Variants in MS4A18 observed in about 807,000 individuals in gnomAD.
MS4A18 encodes the protein membrane spanning 4-domains A18.
MS4A18 carries 27 observed loss-of-function variants against 13.1 expected under a neutral mutation model. The ratio of observed to expected loss-of-function variants is 2.06; its 90% confidence interval spans 1.52 to 2.84. MS4A18 has a LOEUF of 2.84. MS4A18 is among the 30% of genes most tolerant of loss of function. The pLI, the probability that MS4A18 is intolerant of heterozygous loss-of-function variation, is 0.00. For missense variants in MS4A18, 307 were observed against 196.4 expected (o/e 1.56, Z -3.37); for synonymous variants, 126 against 76.5 (o/e 1.65, Z -3.38).
exon 5 of MS4A18, chr11:60,741,092 T>G (rs1853408420): frequency 1.4e-6 from 1 of 702,944 alleles, no homozygotes; most frequent in Admixed American, 2.0e-5. Context: ...TCATCCTCAC[T>G]TGTGTGGTCT....
At chr11:60,744,919 A>G (rs1250482851), downstream of MS4A18, among the ~76,000 whole-genome samples, 1 of 152,244 alleles carries the variant, frequency 6.6e-6, no homozygotes, top group African/African-American at 2.4e-5. Context: ...CTACTCTGGA[A>G]AACAGCTTGG....
At chr11:60,730,598 C>T (rs1565058905) in intron 1 of MS4A18, among the ~76,000 whole-genome samples, 1 of 152,158 alleles carries the variant, frequency 6.6e-6, no homozygotes, top group African/African-American at 2.4e-5. Flanking sequence ...GCCCAAAGTG[C>T]AAATTGTCTG....
Position 60,733,620 on chromosome 11 carries a change from AGGGTACCCGCTCT to A in MS4A18, c.568_580del (p.Tyr190GlufsTer24). 1.4e-6 allele frequency: 1 copy of A among 703,630 alleles called. No individual in the cohort carries two copies. The allele number at this position is 703,630 out of a possible 1,614,324, so 43.6% of individuals were successfully genotyped here. On this transcript the variant is annotated frameshift_variant, in exon 2 of 6. Coordinates refer to ENST00000529108, the Ensembl canonical transcript of MS4A18. LOFTEE classifies it high-confidence loss of function. Reference sequence around the variant, plus strand: ...ACTATCCTTTTGTGACCTGGTTGTCAGGGTACCCGCTCTGGGGAGGATTATCCGTGAGTACAAG... The same window carrying A: ...ACTATCCTTTTGTGACCTGGTTGTCAGGGGAGGATTATCCGTGAGTACAAG...
At chr11:60,725,642 T>C (rs1853145157), upstream of MS4A18, among the ~76,000 whole-genome samples, 1 of 152,042 alleles carries the variant, frequency 6.6e-6, no homozygotes, top group South Asian at 2.1e-4. Context: ...AAGAGAGAAA[T>C]GATTAATTTT....
exon 5 of MS4A18, chr11:60,741,033 T>C (rs1388518807): frequency 2.8e-6 from 2 of 702,924 alleles, no homozygotes; most frequent in African/African-American, 3.5e-5. Context: ...CCTTTAGACA[T>C]ATTCAAAGGC....
chr11:60,727,381 T>C (rs1461771713), upstream of MS4A18, among the ~76,000 whole-genome samples: 1 of 152,210 alleles, frequency 6.6e-6, no homozygotes, highest in Non-Finnish European at 1.5e-5. Flanking sequence ...TTGCTCAAGG[T>C]CGTACAACTA....
At chr11:60,736,575 C>T (rs1412884790) in intron 2 of MS4A18, among the ~76,000 whole-genome samples, 2 of 152,194 alleles carry the variant, frequency 1.3e-5, no homozygotes, top group African/African-American at 2.4e-5. Flanking sequence ...CACTGCTCAG[C>T]CCCTGGTTTT....
chr11:60,726,078 A>G (rs553787073), upstream of MS4A18, among the ~76,000 whole-genome samples: 69 of 152,364 alleles, frequency 4.5e-4, no homozygotes, highest in Middle Eastern at 6.8e-3. Context: ...ATGAAAACAT[A>G]GTGAAATGCA....
chr11:60,728,550 T>C (rs916346927), upstream of MS4A18, among the ~76,000 whole-genome samples: 1 of 151,472 alleles, frequency 6.6e-6, no homozygotes, highest in African/African-American at 2.4e-5. Flanking sequence ...TCTTCCTCCC[T>C]CCTTCCCTCT....
rs546454115 is a variant in MS4A18, at chr11:60,733,534, G to A, written c.478G>A (p.Ala160Thr). The change falls in exon 2 of 6, where the codon GCC becomes ACC. Residue 160 changes from alanine (A) to threonine (T), a missense_variant and splice_region_variant. Physicochemically the swap from Ala to Thr is moderately conservative, Grantham distance 58. Coordinates refer to ENST00000529108, the Ensembl canonical transcript of MS4A18. ...TCACAGTGACTTGTTCTCCCTGCAGGCCATCCAGATCCTCATCGGCCTGAC... is the reference window on the plus strand; with the variant it reads ...TCACAGTGACTTGTTCTCCCTGCAGACCATCCAGATCCTCATCGGCCTGAC... 2.4e-5 allele frequency: 17 copies of A among 703,204 alleles called. No homozygotes were observed. In the East Asian group the frequency reaches 3.2e-4, roughly 13 times the overall value. The allele number at this position is 703,204 out of a possible 1,614,324, so 43.6% of individuals were successfully genotyped here. A position where few individuals can be genotyped will look rare whatever the true frequency, so the allele number is the denominator to read the frequency against.
upstream of MS4A18, among the ~76,000 whole-genome samples, chr11:60,728,614 C>T (rs1195040528): frequency 6.6e-6 from 1 of 150,876 alleles, no homozygotes; most frequent in East Asian, 1.9e-4. Context: ...TTCCTCCCTC[C>T]TTCCCTCTTT....
chr11:60,741,762 G>T (rs1216291873), intron 5 of MS4A18, among the ~76,000 whole-genome samples: 1 of 152,180 alleles, frequency 6.6e-6, no homozygotes, highest in Non-Finnish European at 1.5e-5. Flanking sequence ...ACTCACAGCT[G>T]TCCAAGATGC....
intron 1 of MS4A18, among the ~76,000 whole-genome samples, 163 bp from the exon 3 acceptor site, chr11:60,733,371 G>A (rs1033937860): frequency 1.8e-4 from 28 of 152,340 alleles, no homozygotes; most frequent in African/African-American, 6.5e-4. Context: ...ACACCCAGGT[G>A]TGGACCCTAC....
rs116116263 is a variant in MS4A18, at chr11:60,743,941, G to A, written c.1150G>A (p.Val384Ile). 2,346 of 703,064 alleles carry A rather than the reference G, an allele frequency of 3.3e-3. 39 individuals carry two copies. In the African/African-American group the frequency reaches 0.036, roughly 11 times the overall value. 43.6% of individuals were successfully genotyped at this position (703,064 alleles called of 1,614,324 possible). The change falls in exon 6 of 6, where the codon GTC becomes ATC. Residue 384 changes from valine to isoleucine, a missense_variant. Physicochemically the swap from Val to Ile is conservative, Grantham distance 29 (BLOSUM62 3). Coordinates refer to ENST00000529108, the Ensembl canonical transcript of MS4A18. Reference sequence around the variant, plus strand: ...CCCTGCCAAAGCTACCACCAGTTGTGTCAATGCTATCCACACCAGCAATGT... The same window carrying A: ...CCCTGCCAAAGCTACCACCAGTTGTATCAATGCTATCCACACCAGCAATGT...
intron 2 of MS4A18, among the ~76,000 whole-genome samples, chr11:60,734,232 G>C (rs1456927074): frequency 6.6e-6 from 1 of 152,062 alleles, no homozygotes; most frequent in Non-Finnish European, 1.5e-5. Context: ...CTCCAGCCTG[G>C]GTAACAGAGT....
At chr11:60,737,835 A>C (rs1223045964) in intron 3 of MS4A18, among the ~76,000 whole-genome samples, 1 of 152,186 alleles carries the variant, frequency 6.6e-6, no homozygotes, top group Non-Finnish European at 1.5e-5. Context: ...AGGGTTTCCC[A>C]ATTACCAATC....
At chr11:60,740,385 T>G (rs1015316114) in intron 4 of MS4A18, among the ~76,000 whole-genome samples, 10 of 152,176 alleles carry the variant, frequency 6.6e-5, no homozygotes, top group Non-Finnish European at 1.3e-4. Flanking sequence ...CTGCCTTAGT[T>G]TCTGTCTTGA....
intron 3 of MS4A18, 68 bp from the exon 5 acceptor site, chr11:60,738,834 G>A: frequency 1.5e-6 from 1 of 688,034 alleles, no homozygotes; most frequent in South Asian, 1.5e-5. Flanking sequence ...CTTCCCAAGA[G>A]TCCCCACAAG....
rs1418438117 is a variant in MS4A18, at chr11:60,729,559, C to T, written c.244C>T (p.Arg82Ter). The T allele has an allele frequency of 2.0e-5, 14 of 702,726 alleles. No homozygotes were observed. Among genetic ancestry groups the T allele is most frequent in the Non-Finnish European group, 3.1e-5 (12 of 384,826 alleles). 43.5% of individuals were successfully genotyped at this position (702,726 alleles called of 1,614,324 possible). A position where few individuals can be genotyped will look rare whatever the true frequency, so the allele number is the denominator to read the frequency against. ...ACAGAGTCAACCCATTGGGTATCAG[C>T]GACAGTATCCAGTGGGAACAGCCAG... The change falls in exon 1 of 6, where the codon CGA (arginine) becomes TGA (stop). Residue 82 changes from arginine to a stop codon, truncating the protein, a stop_gained. Transcript: ENST00000529108. LOFTEE classifies it high-confidence loss of function.
Sources: allele counts gnomAD v4.1 joint callset (sites outside exome capture counted in the v4.1 genomes callset), GRCh38; gene constraint gnomAD v4.1.1; transcripts MANE v1.5; gene names NCBI Gene and HGNC (gene_info 2026-07-23, HGNC 2026-07-21).